NPAS3: variants seen among roughly 807,000 people sequenced by gnomAD.
NPAS3 encodes the protein neuronal PAS domain-containing protein 3.
NPAS3 carries 14 observed loss-of-function variants against 73.1 expected under a neutral mutation model. The observed-to-expected ratio is 0.19, with a 90% CI of 0.13 to 0.30. NPAS3 has a LOEUF of 0.30. Among genes scored for constraint, NPAS3 ranks in the 10% least tolerant of loss-of-function variants. The probability of loss-of-function intolerance (pLI) is 1.00; values close to 1 mark genes in which losing one functional copy is unlikely to be tolerated. For missense variants in NPAS3, 1,096 were observed against 1,250.0 expected, an observed-to-expected ratio of 0.88 and a Z score of 1.86; for synonymous variants, 620 against 541.5, an observed-to-expected ratio of 1.14 and a Z score of -2.01.
At position 33,355,327 on chromosome 14, in the gene NPAS3, G is replaced by A. The variant is rs545693586; in HGVS notation, c.386-11859G>A. 7.0e-4 allele frequency among the ~76,000 whole-genome samples: 106 copies of A among 152,226 alleles called. 1 individual carries two copies. In the East Asian group the frequency reaches 0.015, roughly 21 times the overall value. On this transcript the variant is annotated intron_variant, in intron 3 of 11. Coordinates refer to ENST00000356141, the Ensembl canonical transcript of NPAS3. ...CCGTTGCTCTTTTTTTTGAGATGGAGTCTTGCTCTGTCGCCCAGGCTGGAG... is the reference window on the plus strand; with the variant it reads ...CCGTTGCTCTTTTTTTTGAGATGGAATCTTGCTCTGTCGCCCAGGCTGGAG...
At chr14:33,077,506 A>C (rs2041699197) in intron 2 of NPAS3, among the ~76,000 whole-genome samples, 1 of 152,140 alleles carries the variant, frequency 6.6e-6, no homozygotes, top group Non-Finnish European at 1.5e-5. Flanking sequence ...ATTGGATGAA[A>C]GGTTCTGTGA....
chr14:33,709,925 G>C (rs778261327), intron 6 of NPAS3, among the ~76,000 whole-genome samples: 4 of 152,052 alleles, frequency 2.6e-5, no homozygotes, highest in Admixed American at 1.3e-4. Context: ...ACAGCCCCAC[G>C]CCCAGCCTGG....
intron 3 of NPAS3, among the ~76,000 whole-genome samples, chr14:33,355,400 AAGCGATTCTCCTGCCTC>A (rs1345306489): frequency 6.6e-6 from 1 of 152,094 alleles, no homozygotes; most frequent in Non-Finnish European, 1.5e-5. Flanking sequence ...TCCCAGGTTC[AAGCGATTCTCCTGCCTC>A]AGCCTCCCAA....
intron 4 of NPAS3, among the ~76,000 whole-genome samples, chr14:33,485,872 G>A (rs1181180121): frequency 6.6e-6 from 1 of 151,912 alleles, no homozygotes; most frequent in Non-Finnish European, 1.5e-5. Flanking sequence ...CTGCCCCAAG[G>A]AGGGTGGCCT....
chr14:33,358,794 G>A (rs971901631), intron 3 of NPAS3, among the ~76,000 whole-genome samples: 3 of 152,190 alleles, frequency 2.0e-5, no homozygotes, highest in Non-Finnish European at 2.9e-5. Flanking sequence ...GCTTTCTTCT[G>A]CCAACGTATC....
chr14:33,700,010 C>T (rs1235044133), intron 6 of NPAS3, among the ~76,000 whole-genome samples: 1 of 152,128 alleles, frequency 6.6e-6, no homozygotes, highest in African/African-American at 2.4e-5. Flanking sequence ...AAAGTTTATG[C>T]CACCCCAGAT....
intron 2 of NPAS3, among the ~76,000 whole-genome samples, chr14:33,102,166 T>G (rs2042596463): frequency 6.6e-6 from 1 of 152,204 alleles, no homozygotes; most frequent in African/African-American, 2.4e-5. Flanking sequence ...TATGGTCACC[T>G]GCCGTTGGGA....
intron 2 of NPAS3, among the ~76,000 whole-genome samples, chr14:33,079,396 G>A (rs1274393611): frequency 6.9e-6 from 1 of 144,718 alleles, no homozygotes; most frequent in African/African-American, 2.6e-5. Flanking sequence ...TCGGCTCACT[G>A]CAACCTCCGC....
chr14:33,357,621 C>T (rs1193134802), intron 3 of NPAS3, among the ~76,000 whole-genome samples: 5 of 152,226 alleles, frequency 3.3e-5, no homozygotes, highest in African/African-American at 7.2e-5. Flanking sequence ...ATGTGCTTAG[C>T]GCCCCCGCGG....
intron 5 of NPAS3, among the ~76,000 whole-genome samples, chr14:33,627,429 G>A: frequency 6.6e-6 from 1 of 150,782 alleles, no homozygotes; most frequent in Middle Eastern, 3.4e-3. Flanking sequence ...GCACCTAACT[G>A]AAAAAAAAAT....
chr14:33,457,817 C>T (rs916071624), intron 4 of NPAS3, among the ~76,000 whole-genome samples: 9 of 152,176 alleles, frequency 5.9e-5, no homozygotes, highest in Non-Finnish European at 1.0e-4. Context: ...ATTTCCTCAT[C>T]AGCCGATGTC....
At chr14:33,235,289 A>C (rs2047992232) in intron 3 of NPAS3, among the ~76,000 whole-genome samples, 1 of 152,030 alleles carries the variant, frequency 6.6e-6, no homozygotes, top group Non-Finnish European at 1.5e-5. Context: ...TGCACGCGTT[A>C]ATTAAGCGAT....
At chr14:33,338,489 C>A (rs1046491775) in intron 3 of NPAS3, among the ~76,000 whole-genome samples, 3 of 152,114 alleles carry the variant, frequency 2.0e-5, no homozygotes, top group Non-Finnish European at 4.4e-5. Flanking sequence ...TCTCTCAAAT[C>A]TTTTCCTTTT....
chr14:32,974,344 A>G (rs2037564391), intron 1 of NPAS3, among the ~76,000 whole-genome samples: 1 of 152,238 alleles, frequency 6.6e-6, no homozygotes, highest in South Asian at 2.1e-4. Context: ...ATAATAACAC[A>G]CAAAAACATG....
chr14:33,000,477 T>C lies in NPAS3; in HGVS notation c.51-55428T>C, dbSNP rs569285113. 4.5e-4 allele frequency among the ~76,000 whole-genome samples: 69 copies of C among 152,346 alleles called. 2 individuals carry two copies. In the South Asian group the frequency reaches 0.014, roughly 31 times the overall value. ...CAAGACTCTGCATGTATTTATGTTATAGACACAGATTTTGTGAGTTGTTAT... is the reference window on the plus strand; with the variant it reads ...CAAGACTCTGCATGTATTTATGTTACAGACACAGATTTTGTGAGTTGTTAT... On this transcript the variant is annotated intron_variant, in intron 1 of 11. Coordinates refer to ENST00000356141, the Ensembl canonical transcript of NPAS3.
chr14:33,748,690 T>G (rs1375407663), intron 7 of NPAS3, among the ~76,000 whole-genome samples: 1 of 152,210 alleles, frequency 6.6e-6, no homozygotes, highest in Non-Finnish European at 1.5e-5. Context: ...TATCTGGGCC[T>G]CTATTTCCTT....
intron 3 of NPAS3, among the ~76,000 whole-genome samples, chr14:33,221,945 T>C (rs573165155): frequency 6.6e-6 from 1 of 152,144 alleles, no homozygotes; most frequent in Non-Finnish European, 1.5e-5. Context: ...TTAATCAAAA[T>C]TTTACATCAC....
chr14:33,562,504 A>C (rs2055698878), intron 5 of NPAS3, among the ~76,000 whole-genome samples: 2 of 152,210 alleles, frequency 1.3e-5, no homozygotes, highest in South Asian at 4.1e-4. Flanking sequence ...TTCATTTGGC[A>C]GCACTATACA....
chr14:33,059,211 A>G (rs1185435518), intron 2 of NPAS3, among the ~76,000 whole-genome samples: 1 of 152,362 alleles, frequency 6.6e-6, no homozygotes, highest in Admixed American at 6.5e-5. Context: ...CTATGGTTTT[A>G]TAATTATTTT....
Sources: allele counts gnomAD v4.1 joint callset (sites outside exome capture counted in the v4.1 genomes callset), GRCh38; gene constraint gnomAD v4.1.1; transcripts MANE v1.5; gene names NCBI Gene and HGNC (gene_info 2026-07-23, HGNC 2026-07-21).